CDC25C: variants seen among roughly 807,000 people sequenced by gnomAD.
The protein encoded by CDC25C is cell division cycle 25C, also known as M-phase inducer phosphatase 3.
A neutral mutation model predicts 52.5 loss-of-function variants in CDC25C; 48 were observed. The observed-to-expected ratio is 0.91, with a 90% confidence interval of 0.72 to 1.16. The LOEUF (loss-of-function observed/expected upper bound fraction) is 1.16. Among genes scored for constraint, CDC25C ranks in the 50% most tolerant of loss-of-function variants. The pLI, the probability that CDC25C is intolerant of heterozygous loss-of-function variation, is 0.00. For synonymous variants in CDC25C, 187 were observed against 206.5 expected, an observed-to-expected ratio of 0.91 and a Z score of 0.81; for missense variants, 510 against 566.1, an observed-to-expected ratio of 0.90 and a Z score of 1.01.
At chr5:138,325,672 A>G in intron 6 of CDC25C, 143 bp downstream of exon 6, 1 of 638,004 alleles carries the variant, frequency 1.6e-6, no homozygotes, top group Non-Finnish European at 2.7e-6. Flanking sequence ...AAACAAAAAC[A>G]AAGAAATTTT....
chr5:138,334,083 G>A (rs556795273), upstream of CDC25C, among the ~76,000 whole-genome samples: 182 of 152,068 alleles, frequency 1.2e-3, no homozygotes, highest in African/African-American at 4.1e-3. Flanking sequence ...ACAGGTGCCC[G>A]CCACCACGCC....
intron 7 of CDC25C, among the ~76,000 whole-genome samples, chr5:138,299,849 G>C (rs765999831): frequency 2.6e-5 from 4 of 151,772 alleles, no homozygotes; most frequent in Non-Finnish European, 5.9e-5. Context: ...GAAAAGATCA[G>C]CAAAAATCGA....
chr5:138,300,882 A>G (rs1461410054), intron 7 of CDC25C, among the ~76,000 whole-genome samples: 1 of 152,180 alleles, frequency 6.6e-6, no homozygotes, highest in East Asian at 1.9e-4. Context: ...TTTGCAAATA[A>G]TTAAATAACA....
At chr5:138,287,335 A>T in intron 10 of CDC25C, 68 bp from the exon 11 acceptor site, 1 of 1,093,502 alleles carries the variant, frequency 9.1e-7, no homozygotes, top group Non-Finnish European at 1.4e-6. Context: ...TCAATGACAC[A>T]GTTCCTTACA....
At chr5:138,306,693 C>A (rs1758027638) in intron 7 of CDC25C, among the ~76,000 whole-genome samples, 1 of 151,704 alleles carries the variant, frequency 6.6e-6, no homozygotes, top group Non-Finnish European at 1.5e-5. Context: ...CCAGGCTGGT[C>A]TCAAATTCCT....
chr5:138,285,638 G>A lies in CDC25C; in HGVS notation c.*54C>T. ...CATCCAGAAGGCCTCTTTCTGCTCA[G>A]GGTTTCTGCAGTGTCTTTTGGTGAC... On this transcript the variant is annotated 3_prime_UTR_variant, in exon 14 of 14. Transcript: ENST00000323760. 6.4e-7 allele frequency: 1 copy of A among 1,566,036 alleles called. No homozygotes were observed. Among genetic ancestry groups the A allele is most frequent in the South Asian group, 1.1e-5 (1 of 88,046 alleles).
chr5:138,308,603 C>T (rs1167721315), intron 7 of CDC25C, among the ~76,000 whole-genome samples: 1 of 152,044 alleles, frequency 6.6e-6, no homozygotes, highest in Non-Finnish European at 1.5e-5. Context: ...AGATCTACTG[C>T]CCATTATCAG....
At position 138,285,424 on chromosome 5, in the gene CDC25C, G is replaced by A. The variant is rs1221776637; in HGVS notation, c.*268C>T. 5 of 385,196 alleles carry A rather than the reference G, an allele frequency of 1.3e-5. No homozygotes were observed. In the South Asian group the frequency reaches 1.9e-4, roughly 15 times the overall value. The allele number at this position is 385,196 out of a possible 1,614,324, so 23.9% of individuals were successfully genotyped here. A position where few individuals can be genotyped will look rare whatever the true frequency, so the allele number is the denominator to read the frequency against. ...CTTGTGAGAAGACATGAGGAGTTGG[G>A]AAAAGGAATGCCAGAGTTCCCTGAA... On this transcript the variant is annotated 3_prime_UTR_variant, in exon 14 of 14. Transcript: ENST00000323760.
intron 7 of CDC25C, among the ~76,000 whole-genome samples, chr5:138,299,560 T>C (rs1757487235): frequency 7.0e-6 from 1 of 143,296 alleles, no homozygotes; most frequent in African/African-American, 2.6e-5. Context: ...TAATAACCAA[T>C]GGGTCAATGA....
intron 11 of CDC25C, 24 bp from the exon 12 acceptor site, chr5:138,286,654 G>C: frequency 6.2e-7 from 1 of 1,600,702 alleles, no homozygotes; most frequent in South Asian, 1.1e-5. Flanking sequence ...ATTTTAGTAA[G>C]TATTTCCTCA....
chr5:138,331,768 G>A lies in CDC25C; in HGVS notation c.-212C>T, dbSNP rs576153433. ...CAACGTCGGACTCAGAGTCTTCCCT[G>A]AGCAGAAGGCCAAAGTTACGGCCTC... On this transcript the variant is annotated 5_prime_UTR_variant, in exon 1 of 14. Coordinates refer to ENST00000323760, the MANE Select transcript of CDC25C (RefSeq NM_001790.5). 1 of 964,134 alleles carries A rather than the reference G, an allele frequency of 1.0e-6. No homozygotes were observed. The highest frequency in any genetic ancestry group is 1.8e-5 in the African/African-American group (1 of 57,074). 59.7% of individuals were successfully genotyped at this position (964,134 alleles called of 1,614,324 possible).
At chr5:138,295,156 A>G (rs1757077127) in intron 7 of CDC25C, among the ~76,000 whole-genome samples, 1 of 152,218 alleles carries the variant, frequency 6.6e-6, no homozygotes, top group East Asian at 1.9e-4. Context: ...AGTTACATAT[A>G]TGCATAGGTC....
intron 6 of CDC25C, among the ~76,000 whole-genome samples, chr5:138,321,016 GC>G (rs1344655426): frequency 1.3e-5 from 2 of 149,658 alleles, no homozygotes; most frequent in East Asian, 4.0e-4. Flanking sequence ...AATAATCAGA[GC>G]CCGGGAGTTT....
rs1334219042 is a variant in CDC25C, at chr5:138,290,627, A to G, written c.864+12T>C. 1 of 1,473,106 alleles carries G rather than the reference A, an allele frequency of 6.8e-7. No individual in the cohort carries two copies. Among genetic ancestry groups the G allele is most frequent in the South Asian group, 1.1e-5 (1 of 88,122 alleles). The allele number at this position is 1,473,106 out of a possible 1,614,324, so 91.3% of individuals were successfully genotyped here. A position where few individuals can be genotyped will look rare whatever the true frequency, so the allele number is the denominator to read the frequency against. ...ACTCACTGAAATACAGGATGGGTGT[A>G]GCCAAACTCACCTTGGAAAAATCAC... is the stretch of plus-strand genomic sequence containing the variant. On this transcript the variant is annotated intron_variant, in intron 9 of 13. Transcript: ENST00000323760.
At chr5:138,321,138 G>A (rs1005762008) in intron 6 of CDC25C, among the ~76,000 whole-genome samples, 2 of 151,822 alleles carry the variant, frequency 1.3e-5, no homozygotes, top group African/African-American at 4.8e-5. Flanking sequence ...ACTCATATGA[G>A]GTATCTAGAA....
chr5:138,298,146 G>C (rs114144686), intron 7 of CDC25C, among the ~76,000 whole-genome samples: 1,594 of 147,650 alleles, frequency 0.011, 13 homozygotes, highest in Non-Finnish European at 0.016. Flanking sequence ...CTACAGGCTT[G>C]AGCCACCACA....
At chr5:138,326,942 A>G (rs1395300842) in intron 4 of CDC25C, among the ~76,000 whole-genome samples, 25 of 130,362 alleles carry the variant, frequency 1.9e-4, no homozygotes, top group African/African-American at 7.2e-4. Flanking sequence ...ACAAGAGCAA[A>G]ACTCCGTCTC....
chr5:138,310,069 C>T (rs1392340608), intron 7 of CDC25C, among the ~76,000 whole-genome samples: 1 of 152,182 alleles, frequency 6.6e-6, no homozygotes. Flanking sequence ...AATCACATTA[C>T]TGCTCTTACT....
Position 138,337,909 on chromosome 5 carries a change from G to C in CDC25C, c.13+47C>G, listed in dbSNP as rs138572737. The C allele has an allele frequency of 2.0e-3, 2,506 of 1,253,698 alleles. 7 individuals are homozygous for C. Among genetic ancestry groups the C allele is most frequent in the Middle Eastern group, 2.6e-3 (10 of 3,918 alleles). The allele number at this position is 1,253,698 out of a possible 1,614,324, so 77.7% of individuals were successfully genotyped here. A position where few individuals can be genotyped will look rare whatever the true frequency, so the allele number is the denominator to read the frequency against. ...GGCCCGAACCGAGTGGGAGGCTGCA[G>C]TTGGGCCGTTGGAGGGAGGGAGGGC... On this transcript the variant is annotated intron_variant, in intron 1 of 5. Coordinates refer to the CDC25C transcript ENST00000510119.
Sources: allele counts gnomAD v4.1 joint callset (sites outside exome capture counted in the v4.1 genomes callset), GRCh38; gene constraint gnomAD v4.1.1; transcripts MANE v1.5; gene names NCBI Gene and HGNC (gene_info 2026-07-23, HGNC 2026-07-21).